The following GNG2 variants were observed in gnomAD, a reference collection of about 807,000 sequenced individuals.
GNG2 encodes guanine nucleotide-binding protein G(I)/G(S)/G(O) subunit gamma-2.
Under a neutral mutation model 5.5 loss-of-function variants are expected in GNG2, and 5 were observed. That is an observed-to-expected ratio of 0.91 (90% CI 0.48 to 1.92). The LOEUF is 1.92. Among genes scored for constraint, GNG2 ranks in the 30% most tolerant of loss-of-function variants. The pLI is 0.01. For missense variants in GNG2, 55 were observed against 88.4 expected, an observed-to-expected ratio of 0.62 and a Z score of 1.52; for synonymous variants, 28 against 32.0, an observed-to-expected ratio of 0.88 and a Z score of 0.42.
intron 2 of GNG2, among the ~76,000 whole-genome samples, chr14:51,935,260 C>T (rs190592954): frequency 6.6e-6 from 1 of 152,128 alleles, no homozygotes; most frequent in East Asian, 1.9e-4. Context: ...CTCCTGACCT[C>T]CTGATCCGGC....
intron 2 of GNG2, among the ~76,000 whole-genome samples, chr14:51,898,814 C>T (rs1276830161): frequency 6.6e-6 from 1 of 152,178 alleles, no homozygotes; most frequent in Non-Finnish European, 1.5e-5. Flanking sequence ...CTAGCTACAG[C>T]ACTTGGGTAT....
chr14:51,869,136 ATTAAG>A (rs1206834027), intron 1 of GNG2, among the ~76,000 whole-genome samples: 2 of 152,350 alleles, frequency 1.3e-5, no homozygotes. Flanking sequence ...TATGTCAAGA[ATTAAG>A]TTGAGAATGA....
chr14:51,915,515 T>G lies in GNG2; in HGVS notation c.-29-35135T>G, dbSNP rs149303587. Among the ~76,000 whole-genome samples, 10 of 152,246 alleles carry G rather than the reference T, an allele frequency of 6.6e-5. No individual in the cohort carries two copies. The East Asian group carries it at 1.7e-3, about 26-fold the overall frequency. ...GAGGCAGCAAGGAAACAAATCGAAT[T>G]TGGGGTAAATGGAAAATTAGGGAGG... On this transcript the variant is annotated intron_variant, in intron 2 of 3. Coordinates refer to ENST00000556766, the MANE Select transcript of GNG2 (RefSeq NM_053064.5).
intron 1 of GNG2, among the ~76,000 whole-genome samples, chr14:51,863,762 G>A (rs1882682087): frequency 6.6e-6 from 1 of 152,114 alleles, no homozygotes; most frequent in South Asian, 2.1e-4. Context: ...TCCCATATAT[G>A]TGAAGTCATA....
At chr14:51,966,409 C>A in intron 3 of GNG2, 150 bp from the exon 4 acceptor site, 1 of 686,642 alleles carries the variant, frequency 1.5e-6, no homozygotes. Flanking sequence ...CAACTTTCTT[C>A]TTTGCAGATG....
chr14:51,884,385 G>A (rs1412669616), intron 2 of GNG2, among the ~76,000 whole-genome samples: 1 of 152,164 alleles, frequency 6.6e-6, no homozygotes, highest in Non-Finnish European at 1.5e-5. Context: ...GATTTTCAAA[G>A]TCATCTGGGG....
intron 2 of GNG2, among the ~76,000 whole-genome samples, chr14:51,930,266 A>G (rs1887579644): frequency 6.6e-6 from 1 of 152,210 alleles, no homozygotes; most frequent in South Asian, 2.1e-4. Context: ...TGTCCGGCCC[A>G]TCCACATTTC....
At chr14:51,922,871 T>A (rs1257949603) in intron 2 of GNG2, among the ~76,000 whole-genome samples, 1 of 152,102 alleles carries the variant, frequency 6.6e-6, no homozygotes, top group Non-Finnish European at 1.5e-5. Context: ...AACTGCAAAT[T>A]TCCAAGGCTG....
In GNG2 at chr14:51,966,981, C is replaced by T. The variant is rs1889967441; in HGVS notation, c.*294C>T. 6.1e-6 allele frequency: 1 copy of T among 163,044 alleles called. No homozygotes were observed. Among genetic ancestry groups the T allele is most frequent in the South Asian group, 1.7e-4 (1 of 5,774 alleles). 10.1% of individuals were successfully genotyped at this position (163,044 alleles called of 1,614,324 possible). ...CCCCCAGCCCCCCCCCCAAAATCCTCATGTTTCTGCTTCATATTTTGAAAA... is the reference window on the plus strand; with the variant it reads ...CCCCCAGCCCCCCCCCCAAAATCCTTATGTTTCTGCTTCATATTTTGAAAA... On this transcript the variant is annotated 3_prime_UTR_variant, in exon 4 of 4. Transcript: ENST00000556766.
rs536539842 is a variant in GNG2 at position 51,869,358 on chromosome 14, T to C, written c.-70-8259T>C. ...AGTTACTTATGTGGTAGCTGGATAATGTCCTTAGCAACCTGGATTCTTCCC... is the reference window on the plus strand; with the variant it reads ...AGTTACTTATGTGGTAGCTGGATAACGTCCTTAGCAACCTGGATTCTTCCC... On this transcript the variant is annotated intron_variant, in intron 1 of 3. Transcript: ENST00000556766. 2.0e-5 allele frequency among the ~76,000 whole-genome samples: 3 copies of C among 152,320 alleles called. No homozygotes were observed. The East Asian group carries it at 5.8e-4, about 29-fold the overall frequency.
chr14:51,870,096 A>G (rs1268281602), intron 1 of GNG2, among the ~76,000 whole-genome samples: 1 of 152,210 alleles, frequency 6.6e-6, no homozygotes, highest in African/African-American at 2.4e-5. Flanking sequence ...AGATATCCAG[A>G]CTAAAAAGGT....
At chr14:51,965,528 C>G (rs996608188) in intron 3 of GNG2, among the ~76,000 whole-genome samples, 1 of 152,150 alleles carries the variant, frequency 6.6e-6, no homozygotes, top group Non-Finnish European at 1.5e-5. Context: ...TCATAACAAG[C>G]AGCTACAAAT....
intron 2 of GNG2, among the ~76,000 whole-genome samples, chr14:51,854,157 A>T (rs1321001785): frequency 6.6e-6 from 1 of 152,132 alleles, no homozygotes; most frequent in Non-Finnish European, 1.5e-5. Context: ...TACAGACGTG[A>T]GCCACCATGC....
rs889376399 is a variant in GNG2, at chr14:51,966,819, T to C, written c.*132T>C. 7.5e-5 allele frequency: 55 copies of C among 733,608 alleles called. No individual in the cohort carries two copies. In the South Asian group the frequency reaches 7.9e-4, roughly 11 times the overall value. The allele number at this position is 733,608 out of a possible 1,614,324, so 45.4% of individuals were successfully genotyped here. ...GAACCATTCTGGAAACTCTAGGCTA[T>C]GCATGTTTAAAGATCTGGTCCCCTT... On this transcript the variant is annotated 3_prime_UTR_variant, in exon 4 of 4. Transcript: ENST00000556766.
intron 3 of GNG2, among the ~76,000 whole-genome samples, chr14:51,953,257 G>A (rs1301113579): frequency 6.6e-6 from 1 of 152,124 alleles, no homozygotes; most frequent in Non-Finnish European, 1.5e-5. Context: ...ATACTTTACT[G>A]AGAGCTTTCT....
intron 2 of GNG2, among the ~76,000 whole-genome samples, chr14:51,904,147 A>G (rs1885750294): frequency 6.6e-6 from 1 of 152,078 alleles, no homozygotes; most frequent in Non-Finnish European, 1.5e-5. Flanking sequence ...TGCAAACACC[A>G]CAGCTCACAC....
intron 2 of GNG2, among the ~76,000 whole-genome samples, chr14:51,947,143 C>G (rs1461010520): frequency 6.6e-6 from 1 of 152,180 alleles, no homozygotes; most frequent in African/African-American, 2.4e-5. Flanking sequence ...CATGCCTCTT[C>G]TTTCCCCATC....
intron 2 of GNG2, among the ~76,000 whole-genome samples, chr14:51,842,426 T>C (rs1881508370): frequency 1.3e-5 from 2 of 152,218 alleles, no homozygotes; most frequent in South Asian, 4.1e-4. Context: ...TAATGGAACC[T>C]ATGACTGGCA....
At chr14:51,839,876 T>G (rs1253133101) in intron 2 of GNG2, among the ~76,000 whole-genome samples, 2 of 152,224 alleles carry the variant, frequency 1.3e-5, no homozygotes, top group African/African-American at 4.8e-5. Flanking sequence ...AGTCCTGGAA[T>G]ATATGCAGAA....
Sources: gnomAD v4.1 joint callset for allele counts (sites outside exome capture counted in the v4.1 genomes callset) on GRCh38, gnomAD v4.1.1 for gene constraint, MANE v1.5 for transcripts, NCBI Gene and HGNC (gene_info 2026-07-23, HGNC 2026-07-21) for gene names.